Variants in RACGAP1 observed in about 807,000 individuals in gnomAD.
RACGAP1 encodes rac GTPase-activating protein 1.
A neutral mutation model predicts 78.1 loss-of-function variants in RACGAP1; 30 were observed. That is an observed-to-expected ratio of 0.38 (90% confidence interval 0.29 to 0.52). RACGAP1 has a LOEUF of 0.52. RACGAP1 is among the 20% of genes least tolerant of loss of function. The pLI, the probability that RACGAP1 is intolerant of heterozygous loss-of-function variation, is 0.82. For missense variants in RACGAP1, 587 were observed against 777.1 expected, an observed-to-expected ratio of 0.76 and a Z score of 2.91; for synonymous variants, 231 against 264.8, an observed-to-expected ratio of 0.87 and a Z score of 1.24.
At chr12:50,030,373 A>C (rs904895160), upstream of RACGAP1, among the ~76,000 whole-genome samples, 18 of 149,404 alleles carry the variant, frequency 1.2e-4, no homozygotes, top group African/African-American at 4.5e-4. Flanking sequence ...AAAAGCAGCT[A>C]TATTTAATCA....
At chr12:49,992,833 T>C (rs966827614) in intron 12 of RACGAP1, among the ~76,000 whole-genome samples, 178 bp from the exon 13 acceptor site, 2 of 152,184 alleles carry the variant, frequency 1.3e-5, no homozygotes, top group Non-Finnish European at 2.9e-5. Flanking sequence ...CAGCTCAATA[T>C]TAGAAGTCAA....
intron 15 of RACGAP1, among the ~76,000 whole-genome samples, chr12:49,991,481 T>TATATATATA (rs1592124066): frequency 2.8e-3 from 26 of 9,128 alleles, no homozygotes; most frequent in East Asian, 0.014. Flanking sequence ...ATATATATAT[T>TATATATATA]TTTTTTTTTT....
At chr12:50,024,642 C>T (rs1950184289) in intron 1 of RACGAP1, among the ~76,000 whole-genome samples, 1 of 151,916 alleles carries the variant, frequency 6.6e-6, no homozygotes, top group Non-Finnish European at 1.5e-5. Context: ...GCACTTGTAC[C>T]CCCTAAATAT....
chr12:49,997,353 C>T, intron 9 of RACGAP1, 149 bp from the exon 10 acceptor site: 12 of 1,243,440 alleles, frequency 9.7e-6, no homozygotes, highest in Non-Finnish European at 1.2e-5. Flanking sequence ...CAGCTCACTG[C>T]AACCTCTGCC....
chr12:50,020,181 T>C (rs1180639080), intron 1 of RACGAP1, among the ~76,000 whole-genome samples: 1 of 152,160 alleles, frequency 6.6e-6, no homozygotes, highest in East Asian at 1.9e-4. Context: ...TTTAAGTGAA[T>C]TTGACTTTTT....
intron 1 of RACGAP1, chr12:50,017,150 C>T (rs924994418): frequency 1.5e-5 from 14 of 910,528 alleles, no homozygotes; most frequent in Non-Finnish European, 1.1e-5. Flanking sequence ...TCATTTTTAG[C>T]TAATGCCCCT....
intron 9 of RACGAP1, among the ~76,000 whole-genome samples, chr12:49,998,763 G>T (rs1948468747): frequency 6.6e-6 from 1 of 151,594 alleles, no homozygotes; most frequent in Admixed American, 6.6e-5. Flanking sequence ...GCCGGGCGTG[G>T]TGGCACACAT....
At chr12:49,991,384 TAAATA>T (rs747079650) in intron 15 of RACGAP1, among the ~76,000 whole-genome samples, 461 of 141,270 alleles carry the variant, frequency 3.3e-3, no homozygotes, top group Non-Finnish European at 4.6e-3. Context: ...AAGTAAATGA[TAAATA>T]AGATTATACA....
In RACGAP1 at chr12:50,008,450, T is replaced by C. The variant is rs535238328; in HGVS notation, c.86-1814A>G. On this transcript the variant is annotated intron_variant, in intron 2 of 16. Coordinates refer to ENST00000312377, the MANE Select transcript of RACGAP1 (RefSeq NM_001319999.2). ...CTAACCTCAGGTGATTCACCTGCCT[T>C]GGCCTCCAAAAGTGCTAGGATTACA... Among the ~76,000 whole-genome samples the C allele has an allele frequency of 5.3e-5, 8 of 149,672 alleles. 1 individual carries two copies. The South Asian group carries it at 1.7e-3, about 32-fold the overall frequency.
At chr12:50,002,073 A>G (rs1948714103) in intron 6 of RACGAP1, among the ~76,000 whole-genome samples, 174 bp downstream of exon 6, 1 of 108,214 alleles carries the variant, frequency 9.2e-6, no homozygotes, top group South Asian at 3.1e-4. Flanking sequence ...CAAAAAAAAG[A>G]AAAAAAAAAA....
chr12:50,032,152 A>AAATAAT (rs5798124), intron 1 of RACGAP1, among the ~76,000 whole-genome samples: 34 of 151,296 alleles, frequency 2.2e-4, no homozygotes, highest in South Asian at 1.7e-3. Context: ...TCTCAAAAAT[A>AAATAAT]AATAATAATA....
chr12:50,012,242 C>T (rs186420884), intron 2 of RACGAP1, among the ~76,000 whole-genome samples: 178 of 152,194 alleles, frequency 1.2e-3, no homozygotes, highest in African/African-American at 4.2e-3. Flanking sequence ...GCCTGGCCAA[C>T]GTGGTGAAAC....
chr12:50,028,261 G>A (rs1950298449), upstream of RACGAP1, among the ~76,000 whole-genome samples: 1 of 152,068 alleles, frequency 6.6e-6, no homozygotes, highest in Non-Finnish European at 1.5e-5. Context: ...TGGACCTCAG[G>A]GGTGAGGGAG....
chr12:49,999,623 C>A lies in RACGAP1; in HGVS notation c.741G>T (p.Arg247Ser), dbSNP rs759648335. 6.2e-7 allele frequency: 1 copy of A among 1,613,596 alleles called. No homozygotes were observed. Among genetic ancestry groups the A allele is most frequent in the East Asian group, 2.2e-5 (1 of 44,888 alleles). The change falls in exon 8 of 17, where the codon AGG becomes AGT. Residue 247 changes from arginine to serine, a missense_variant. Physicochemically the swap from Arg to Ser is moderately radical, Grantham distance 110 (BLOSUM62 -1). Transcript: ENST00000312377. Reference protein sequence around the residue: ...ETVPYWTRSRRKTGTLQPWNS... With the variant: ...ETVPYWTRSRSKTGTLQPWNS... ...GTCACAAATTCAATGGACCTGTTTT[C>A]CTTCGGCTCCTGGTCCAATATGGCA...
rs565495145 is a variant in RACGAP1, at chr12:50,010,056, T to C, written c.86-3420A>G. Among the ~76,000 whole-genome samples, 10 of 152,356 alleles carry C rather than the reference T, an allele frequency of 6.6e-5. No individual in the cohort carries two copies. The South Asian group carries it at 2.1e-3, about 32-fold the overall frequency. On this transcript the variant is annotated intron_variant, in intron 2 of 16. Transcript: ENST00000312377. The stretch of plus-strand genomic sequence containing the variant: ...ATATATACTTCATTATTTCCTACTA[T>C]GCATAGTGTAGCACAAACCTAGTAT...
At chr12:50,031,701 T>A (rs1950337671) in exon 2 of RACGAP1, 3 of 985,212 alleles carry the variant, frequency 3.0e-6, no homozygotes, top group Admixed American at 6.2e-5. Context: ...ACTCACCCTC[T>A]AGACAGTTTA....
chr12:49,999,843 G>C lies in RACGAP1; in HGVS notation c.631-110C>G, dbSNP rs539178281. On this transcript the variant is annotated intron_variant, in intron 7 of 16. Transcript: ENST00000312377. ...TTCCTTAGTCTTAGTCAAGACTTAA[G>C]ACCCCAGTCTGATACTTTTTTTTTG... 7 of 802,644 alleles carry C rather than the reference G, an allele frequency of 8.7e-6. No homozygotes were observed. The South Asian group carries it at 9.1e-5, about 10-fold the overall frequency. 49.7% of individuals were successfully genotyped at this position (802,644 alleles called of 1,614,324 possible).
At chr12:50,019,777 T>G (rs1336344663) in intron 1 of RACGAP1, 2 of 152,022 alleles carry the variant, frequency 1.3e-5, no homozygotes, top group Non-Finnish European at 2.9e-5. Flanking sequence ...AGTATAATCT[T>G]CAGTAAATCA....
intron 1 of RACGAP1, chr12:50,021,161 C>T (rs1949985565): frequency 2.1e-6 from 2 of 974,150 alleles, no homozygotes; most frequent in Non-Finnish European, 2.4e-6. Flanking sequence ...TTATTTAGTC[C>T]ATAGCTAGGA....
Sources: allele counts gnomAD v4.1 joint callset (sites outside exome capture counted in the v4.1 genomes callset), GRCh38; gene constraint gnomAD v4.1.1; transcripts MANE v1.5; gene names NCBI Gene and HGNC (gene_info 2026-07-23, HGNC 2026-07-21).